SOX5: variants seen among roughly 807,000 people sequenced by gnomAD.
SOX5 encodes the protein SRY-box transcription factor 5, also known as transcription factor SOX-5.
SOX5 carries 9 observed loss-of-function variants against 92.0 expected under a neutral mutation model. The ratio of observed to expected loss-of-function variants is 0.10; its 90% CI spans 0.06 to 0.17. The LOEUF is 0.17. Among genes scored for constraint, SOX5 ranks in the 10% least tolerant of loss-of-function variants. SOX5 has a pLI of 1.00. For synonymous variants in SOX5, 344 were observed against 336.3 expected, an observed-to-expected ratio of 1.02 and a Z score of -0.25; for missense variants, 642 against 944.5, an observed-to-expected ratio of 0.68 and a Z score of 4.20.
At chr12:23,842,802 C>T (rs1047645531) in intron 3 of SOX5, among the ~76,000 whole-genome samples, 1 of 152,080 alleles carries the variant, frequency 6.6e-6, no homozygotes, top group African/African-American at 2.4e-5. Flanking sequence ...AGATAAATCT[C>T]CCATGTAGAA....
In SOX5 at chr12:23,604,413, T is replaced by C; in HGVS notation, c.1138A>G (p.Thr380Ala). The change falls in exon 9 of 15, where the codon ACA becomes GCA. Residue 380 changes from threonine to alanine, a missense_variant. This residue lies in a region of SOX5 where 324 missense variants were observed against 461.6 expected (regional missense o/e 0.70). Transcript: ENST00000451604. The stretch of plus-strand genomic sequence containing the variant: ...TTGCTTTTGGGTGGTGGGCTGTTTG[T>C]GCTCTTGTCTGTGTGAATGCTGGTA... ...SPTSIHTDKS[T>A]NSPPPKSKDE... 3 of 1,613,734 alleles carry C rather than the reference T, an allele frequency of 1.9e-6. No homozygotes were observed.
chr12:23,778,625 G>A (rs1262383893), intron 3 of SOX5, among the ~76,000 whole-genome samples: 1 of 152,188 alleles, frequency 6.6e-6, no homozygotes, highest in African/African-American at 2.4e-5. Flanking sequence ...AATTTAATCA[G>A]GAAATGTATA....
chr12:24,437,015 C>T (rs1392307339), intron 1 of SOX5, among the ~76,000 whole-genome samples: 1 of 152,124 alleles, frequency 6.6e-6, no homozygotes, highest in African/African-American at 2.4e-5. Context: ...AGACCTACTG[C>T]TCAGAAAAAA....
chr12:23,864,673 C>T (rs2096792496), intron 2 of SOX5, among the ~76,000 whole-genome samples: 1 of 152,230 alleles, frequency 6.6e-6, no homozygotes. Flanking sequence ...TCTTCAATTC[C>T]ATGAAGGCTG....
intron 4 of SOX5, among the ~76,000 whole-genome samples, chr12:24,041,191 G>A (rs765695145): frequency 6.6e-6 from 1 of 152,158 alleles, no homozygotes; most frequent in African/African-American, 2.4e-5. Flanking sequence ...CCAGTGGGAT[G>A]GGTAAATGGG....
intron 3 of SOX5, among the ~76,000 whole-genome samples, chr12:23,780,430 G>A (rs1191109696): frequency 1.3e-5 from 2 of 150,990 alleles, no homozygotes; most frequent in African/African-American, 4.9e-5. Flanking sequence ...GTAGTGAGAG[G>A]TTTTTTGTTT....
At chr12:24,167,619 C>A (rs950656983) in intron 4 of SOX5, among the ~76,000 whole-genome samples, 5 of 152,208 alleles carry the variant, frequency 3.3e-5, no homozygotes, top group African/African-American at 2.4e-5. Flanking sequence ...AAAATGATTT[C>A]TGTCTCTCAA....
chr12:24,157,529 C>T (rs111685281), intron 4 of SOX5, among the ~76,000 whole-genome samples: 5 of 152,050 alleles, frequency 3.3e-5, no homozygotes, highest in South Asian at 2.1e-4. Context: ...AATGGGGCAA[C>T]GCAACTGTTT....
Position 24,121,851 on chromosome 12 carries a change from A to G in SOX5, c.-2+91492T>C, listed in dbSNP as rs534389641. On this transcript the variant is annotated intron_variant, in intron 4 of 4. Coordinates refer to the SOX5 transcript ENST00000446891. ...CAGTGAGCCGAGATCGTGCCACTGCACTCTAGCCTGGGCGACAGAGTGAGA... is the reference window on the plus strand; with the variant it reads ...CAGTGAGCCGAGATCGTGCCACTGCGCTCTAGCCTGGGCGACAGAGTGAGA... 2.9e-3 allele frequency among the ~76,000 whole-genome samples: 391 copies of G among 136,776 alleles called. 3 individuals are homozygous for G. The highest frequency in any genetic ancestry group is 1.0e-2 in the African/African-American group (363 of 36,372). 89.7% of individuals were successfully genotyped at this position (136,776 alleles called of 152,430 possible).
At chr12:24,279,851 G>C (rs1276950700) in intron 2 of SOX5, among the ~76,000 whole-genome samples, 1 of 152,094 alleles carries the variant, frequency 6.6e-6, no homozygotes, top group Non-Finnish European at 1.5e-5. Context: ...TTTGTTTTCT[G>C]ACCCTCTGTA....
At chr12:24,459,264 G>A (rs1943363273) in intron 1 of SOX5, among the ~76,000 whole-genome samples, 1 of 152,146 alleles carries the variant, frequency 6.6e-6, no homozygotes, top group South Asian at 2.1e-4. Context: ...TCCATCAAGT[G>A]ATGGAGTGCT....
chr12:23,623,284 C>T lies in SOX5; in HGVS notation c.1017+17528G>A, dbSNP rs147907847. Among the ~76,000 whole-genome samples, 777 of 152,190 alleles carry T rather than the reference C, an allele frequency of 5.1e-3. 5 individuals carry two copies. Among genetic ancestry groups the T allele is most frequent in the African/African-American group, 0.018 (755 of 41,528 alleles). On this transcript the variant is annotated intron_variant, in intron 8 of 14. Transcript: ENST00000451604. Reference sequence around the variant, plus strand: ...AAAGCATTTAAGTATTATTATAAGACAAATGTATTAGATAATTATAAACAC... The same window carrying T: ...AAAGCATTTAAGTATTATTATAAGATAAATGTATTAGATAATTATAAACAC...
At chr12:23,883,735 A>G (rs765403844) in intron 2 of SOX5, among the ~76,000 whole-genome samples, 19 of 152,164 alleles carry the variant, frequency 1.2e-4, no homozygotes, top group Non-Finnish European at 2.1e-4. Context: ...TCTTAACAAA[A>G]TGTGGTTTTT....
At chr12:24,162,630 C>T (rs531990426) in intron 4 of SOX5, among the ~76,000 whole-genome samples, 6 of 152,208 alleles carry the variant, frequency 3.9e-5, no homozygotes, top group South Asian at 2.1e-4. Context: ...GGCAGAGCCA[C>T]GATCGTGTGA....
chr12:24,263,608 CTT>C lies in SOX5; in HGVS notation c.-77+13606_-77+13607del, dbSNP rs1173243777. 1.2e-4 allele frequency among the ~76,000 whole-genome samples: 18 copies of C among 148,240 alleles called. 1 individual carries two copies. The highest frequency in any genetic ancestry group is 2.7e-4 in the Non-Finnish European group (18 of 67,048). ...AAACAATACAGAATATATTAATAAT[CTT>C]TGTTTCTGTACATTTTGAGCACTTT... On this transcript the variant is annotated intron_variant, in intron 3 of 4. Coordinates refer to the SOX5 transcript ENST00000446891.
intron 2 of SOX5, among the ~76,000 whole-genome samples, chr12:23,873,452 G>A (rs73267705): frequency 0.043 from 6,584 of 152,276 alleles, 165 homozygotes; most frequent in South Asian, 0.063. Flanking sequence ...CACCCTGGGT[G>A]ACAAGGTAAG....
At chr12:24,282,877 G>T (rs1379870468) in intron 2 of SOX5, among the ~76,000 whole-genome samples, 1 of 152,078 alleles carries the variant, frequency 6.6e-6, no homozygotes, top group Non-Finnish European at 1.5e-5. Flanking sequence ...ATGTTGACCC[G>T]GTTGAAAAAT....
Position 23,534,390 on chromosome 12 carries a change from A to T in SOX5, c.2121T>A (p.Pro707=). The T allele has an allele frequency of 6.2e-7, 1 of 1,614,116 alleles. No homozygotes were observed. Residue 707 remains proline (P), a synonymous_variant, in exon 15 of 15, where the codon CCT becomes CCA. Coordinates refer to ENST00000451604, the MANE Select transcript of SOX5 (RefSeq NM_006940.6). ...TCACACCGTAAGTGCTCTGGATAAC[A>T]GGCATCCCAGGCTCTGGGCTGCTAG... ...SVSSSPEPGM[P]VIQSTYGVKG...
intron 9 of SOX5, among the ~76,000 whole-genome samples, chr12:23,585,040 GATTA>G (rs1283295672): frequency 6.6e-6 from 1 of 151,986 alleles, no homozygotes; most frequent in African/African-American, 2.4e-5. Flanking sequence ...GGATAGTGGA[GATTA>G]ATCAATAACT....
Sources: allele counts gnomAD v4.1 joint callset (sites outside exome capture counted in the v4.1 genomes callset), GRCh38; gene constraint gnomAD v4.1.1; regional missense constraint gnomAD v4.1.1; transcripts MANE v1.5; gene names NCBI Gene and HGNC (gene_info 2026-07-23, HGNC 2026-07-21).